The following KIF6 variants were observed in gnomAD, a reference collection of about 807,000 sequenced individuals.
KIF6 encodes kinesin family member 6.
Under a neutral mutation model 112.7 loss-of-function variants are expected in KIF6, and 106 were observed. The ratio of observed to expected loss-of-function variants is 0.94; its 90% CI spans 0.80 to 1.11. The LOEUF (loss-of-function observed/expected upper bound fraction) is 1.11. KIF6 is among the 50% of genes least tolerant of loss of function. KIF6 has a pLI of 0.00. For missense variants in KIF6, 929 were observed against 964.0 expected (o/e 0.96, Z 0.48); for synonymous variants, 339 against 339.9 (o/e 1.00, Z 0.03).
chr6:39,517,726 G>A (rs1777162484), intron 13 of KIF6, among the ~76,000 whole-genome samples: 1 of 152,106 alleles, frequency 6.6e-6, no homozygotes, highest in African/African-American at 2.4e-5. Context: ...TAATCAATTA[G>A]GTTTTTACTT....
chr6:39,346,087 C>CTCTCTCTCTCTCTCTCTCTCT lies in KIF6; in HGVS notation c.2232-299_2232-298insAGAGAGAGAGAGAGAGAGAGA, dbSNP rs1562112885. Among the ~76,000 whole-genome samples the CTCTCTCTCTCTCTCTCTCTCT allele has an allele frequency of 7.1e-4, 2 of 2,824 alleles. 1 individual carries two copies. The highest frequency in any genetic ancestry group is 2.2e-3 in the African/African-American group (2 of 912). The allele number at this position is 2,824 out of a possible 152,430, so 1.9% of individuals were successfully genotyped here. On this transcript the variant is annotated intron_variant, in intron 20 of 22. Transcript: ENST00000287152. ...CTCTCTCTCTCTCTCTCTCTCTCTC[C>CTCTCTCTCTCTCTCTCTCTCT]CCCCCCTCTCCCTCCCCCCCTCCCT...
At chr6:39,415,213 C>T (rs1324968301) in intron 15 of KIF6, among the ~76,000 whole-genome samples, 1 of 149,522 alleles carries the variant, frequency 6.7e-6, no homozygotes, top group Admixed American at 6.7e-5. Context: ...GAAACAAAAC[C>T]TATAAAACAG....
At chr6:39,624,925 C>T (rs1784012615) in intron 5 of KIF6, among the ~76,000 whole-genome samples, 2 of 152,342 alleles carry the variant, frequency 1.3e-5, no homozygotes, top group South Asian at 4.1e-4. Context: ...GCCCTAACTT[C>T]CAATGTGATG....
At chr6:39,544,951 T>C (rs999834768) in intron 11 of KIF6, among the ~76,000 whole-genome samples, 1 of 152,140 alleles carries the variant, frequency 6.6e-6, no homozygotes. Context: ...AAATGCCTAC[T>C]CAACATTATC....
At chr6:39,567,909 G>A (rs1780399979) in intron 10 of KIF6, among the ~76,000 whole-genome samples, 1 of 152,106 alleles carries the variant, frequency 6.6e-6, no homozygotes, top group African/African-American at 2.4e-5. Flanking sequence ...GCCTGGCCTG[G>A]GACACAGAAG....
At chr6:39,561,682 T>C (rs1780017346) in intron 10 of KIF6, among the ~76,000 whole-genome samples, 1 of 152,150 alleles carries the variant, frequency 6.6e-6, no homozygotes, top group African/African-American at 2.4e-5. Context: ...TGCACAAACA[T>C]TGTGAAACCT....
rs370699901 is a variant in KIF6 at position 39,507,402 on chromosome 6, C to T, written c.1645+32601G>A. ...AAGGAGATGACAAAATATTTGGGAG[C>T]CAAGGATTTGTGGAGCTGTTGCAGG... is the stretch of plus-strand genomic sequence containing the variant. On this transcript the variant is annotated intron_variant, in intron 13 of 22. Transcript: ENST00000287152. 4.6e-5 allele frequency among the ~76,000 whole-genome samples: 7 copies of T among 152,042 alleles called. No individual in the cohort carries two copies. The East Asian group carries it at 1.2e-3, about 25-fold the overall frequency.
At chr6:39,537,262 G>T (rs1778494887) in intron 13 of KIF6, among the ~76,000 whole-genome samples, 1 of 152,290 alleles carries the variant, frequency 6.6e-6, no homozygotes, top group Non-Finnish European at 1.5e-5. Context: ...ATTAGGAAAA[G>T]AGGAAGTCAA....
chr6:39,562,337 C>T (rs938839538), intron 10 of KIF6, among the ~76,000 whole-genome samples: 11 of 152,164 alleles, frequency 7.2e-5, no homozygotes, highest in African/African-American at 2.2e-4. Context: ...AAGGGGGATA[C>T]GTTTTCCTAC....
intron 13 of KIF6, 81 bp downstream of exon 13, chr6:39,539,922 C>G: frequency 1.0e-6 from 1 of 993,258 alleles, no homozygotes; most frequent in Non-Finnish European, 1.5e-6. Context: ...GAGCCTTCAT[C>G]CTGATACATG....
rs73735508 is a variant in KIF6 at position 39,359,253 on chromosome 6, C to T, written c.2082+1142G>A. On this transcript the variant is annotated intron_variant, in intron 18 of 22. Transcript: ENST00000287152. ...CTGATTGTGCGTATTTTAGCACTTC[C>T]GCTGTGCCACAACTGAGGTGTTACA... 1.0e-2 allele frequency among the ~76,000 whole-genome samples: 1,518 copies of T among 152,240 alleles called. 30 individuals are homozygous for T. The highest frequency in any genetic ancestry group is 0.035 in the African/African-American group (1,439 of 41,522).
At chr6:39,712,983 T>A (rs1420474820) in intron 3 of KIF6, among the ~76,000 whole-genome samples, 1 of 152,200 alleles carries the variant, frequency 6.6e-6, no homozygotes, top group Non-Finnish European at 1.5e-5. Context: ...TGGTGATATG[T>A]GCTAAAATAA....
chr6:39,625,079 C>T (rs1784020434), intron 5 of KIF6, among the ~76,000 whole-genome samples: 1 of 152,086 alleles, frequency 6.6e-6, no homozygotes. Context: ...AGGCAACAGT[C>T]TGCAAGCCAG....
chr6:39,570,557 T>C (rs1166003431), intron 10 of KIF6, among the ~76,000 whole-genome samples: 1 of 152,040 alleles, frequency 6.6e-6, no homozygotes, highest in African/African-American at 2.4e-5. Context: ...ATTGATAGAG[T>C]TTGGCTGTGT....
At chr6:39,592,982 G>A (rs1782035888) in intron 7 of KIF6, among the ~76,000 whole-genome samples, 1 of 152,114 alleles carries the variant, frequency 6.6e-6, no homozygotes, top group Non-Finnish European at 1.5e-5. Flanking sequence ...CTTATATATT[G>A]AAACCGAGAG....
chr6:39,713,738 T>C (rs1789682795), intron 3 of KIF6, among the ~76,000 whole-genome samples: 1 of 152,218 alleles, frequency 6.6e-6, no homozygotes. Flanking sequence ...TGGATTTTGA[T>C]TATAACTCTG....
At chr6:39,423,304 AC>A (rs1770512427) in intron 14 of KIF6, among the ~76,000 whole-genome samples, 1 of 151,990 alleles carries the variant, frequency 6.6e-6, no homozygotes, top group African/African-American at 2.4e-5. Context: ...GTACTTGCAG[AC>A]CCTGGGGAAA....
chr6:39,486,144 G>A (rs1291577199), intron 13 of KIF6, among the ~76,000 whole-genome samples: 1 of 152,218 alleles, frequency 6.6e-6, no homozygotes, highest in East Asian at 1.9e-4. Flanking sequence ...ATCCAAGTTG[G>A]CCTGAGGCTG....
At chr6:39,551,946 C>T (rs9688761) in intron 10 of KIF6, among the ~76,000 whole-genome samples, 4,525 of 152,294 alleles carry the variant, frequency 0.03, 235 homozygotes, top group African/African-American at 0.1. Context: ...TGCTATTCGA[C>T]TGGACCAACT....
Sources: allele counts gnomAD v4.1 joint callset (sites outside exome capture counted in the v4.1 genomes callset), GRCh38; gene constraint gnomAD v4.1.1; transcripts MANE v1.5; gene names NCBI Gene and HGNC (gene_info 2026-07-23, HGNC 2026-07-21).